USP24: variants seen among roughly 807,000 people sequenced by gnomAD.
The protein encoded by USP24 is ubiquitin carboxyl-terminal hydrolase 24.
In USP24, 97 loss-of-function variants were observed where a neutral mutation model predicts 361.6. That is an observed-to-expected ratio of 0.27 (90% CI 0.23 to 0.32). USP24 has a LOEUF of 0.32. Ranked by LOEUF, USP24 falls within the 10% of genes least tolerant of loss-of-function variation. The probability of loss-of-function intolerance (pLI) is 1.00; values close to 1 mark genes in which losing one functional copy is unlikely to be tolerated. For missense variants in USP24, 2,353 were observed against 3,165.6 expected, an observed-to-expected ratio of 0.74 and a Z score of 6.16; for synonymous variants, 1,098 against 1,124.6, an observed-to-expected ratio of 0.98 and a Z score of 0.47.
At chr1:55,156,761 C>CAAG (rs1436567554) in intron 12 of USP24, among the ~76,000 whole-genome samples, 187 bp downstream of exon 12, 1 of 152,018 alleles carries the variant, frequency 6.6e-6, no homozygotes, top group South Asian at 2.1e-4. Context: ...CAGTTTGAAA[C>CAAG]TTCTTGTGGT....
intron 5 of USP24, 134 bp from the exon 6 acceptor site, chr1:55,166,737 C>A: frequency 1.2e-6 from 1 of 832,612 alleles, no homozygotes; most frequent in Non-Finnish European, 1.9e-6. Flanking sequence ...AAGTTTTTTT[C>A]CCAAACGCTT....
chr1:55,153,612 G>GA (rs1647323199), intron 16 of USP24, among the ~76,000 whole-genome samples: 1 of 152,028 alleles, frequency 6.6e-6, no homozygotes, highest in African/African-American at 2.4e-5. Context: ...AAACTAAGTT[G>GA]AAAATCTTCT....
At chr1:55,130,300 T>C (rs1257296630) in intron 31 of USP24, among the ~76,000 whole-genome samples, 1 of 152,240 alleles carries the variant, frequency 6.6e-6, no homozygotes, top group Non-Finnish European at 1.5e-5. Flanking sequence ...CCTTTTGTCC[T>C]AGTTTTCTCA....
At chr1:55,071,666 G>C (rs1644921440) in intron 67 of USP24, 148 bp downstream of exon 67, 1 of 1,054,336 alleles carries the variant, frequency 9.5e-7, no homozygotes, top group Non-Finnish European at 1.4e-6. Context: ...CATATGCTGA[G>C]CTGAGATCAC....
intron 34 of USP24, 23 bp from the exon 35 acceptor site, chr1:55,124,651 T>C (rs1382305128): frequency 1.9e-6 from 3 of 1,612,590 alleles, no homozygotes; most frequent in Non-Finnish European, 2.5e-6. Flanking sequence ...ACAAGTATTA[T>C]GAGAAAGAGC....
chr1:55,129,175 A>G (rs1052847722), intron 32 of USP24, among the ~76,000 whole-genome samples: 4 of 152,158 alleles, frequency 2.6e-5, no homozygotes, highest in African/African-American at 9.7e-5. Flanking sequence ...AATTCACCTT[A>G]TTTCAAACTG....
intron 39 of USP24, among the ~76,000 whole-genome samples, chr1:55,108,479 A>G (rs930893502): frequency 1.3e-5 from 2 of 152,184 alleles, no homozygotes; most frequent in African/African-American, 4.8e-5. Flanking sequence ...CACTTACTGT[A>G]TGACCTTGTT....
In USP24 at chr1:55,154,144, A is replaced by T. The variant is rs1159066256; in HGVS notation, c.1787T>A (p.Ile596Asn). ...VKEAIKRSYIIKCIEDIKRPG... is the reference protein window; with the variant it reads ...VKEAIKRSYINKCIEDIKRPG... The stretch of plus-strand genomic sequence containing the variant: ...CCTCTTAATATCTTCTATGCACTTG[A>T]TGATGTAGCTCCTCTTGATTGCTTC... The change falls in exon 15 of 68, where the codon ATC becomes AAC. Residue 596 changes from isoleucine (I) to asparagine (N), a missense_variant. Coordinates refer to ENST00000294383, the MANE Select transcript of USP24 (RefSeq NM_015306.3). 2 of 1,613,638 alleles carry T rather than the reference A, an allele frequency of 1.2e-6. No homozygotes were observed. Among genetic ancestry groups the T allele is most frequent in the Non-Finnish European group, 8.5e-7 (1 of 1,179,686 alleles).
At chr1:55,076,223 T>C (rs593398) in intron 62 of USP24, among the ~76,000 whole-genome samples, 5,000 of 152,322 alleles carry the variant, frequency 0.033, 130 homozygotes, top group Non-Finnish European at 0.053. Flanking sequence ...TTTGCTATCA[T>C]AGCTGTATTT....
Position 55,134,154 on chromosome 1 carries a change from T to C in USP24, c.3297A>G (p.Leu1099=), listed in dbSNP as rs771802594. 2 of 1,613,606 alleles carry C rather than the reference T, an allele frequency of 1.2e-6. No homozygotes were observed. Among genetic ancestry groups the C allele is most frequent in the Non-Finnish European group, 1.7e-6 (2 of 1,179,716 alleles). The change falls in exon 30 of 68, where the codon CTA becomes CTG. Residue 1099 remains leucine (L), a synonymous_variant. Transcript: ENST00000294383. ...LANLEEPRIT[L]RVRKLLLLIP... is the part of the protein sequence containing the mutation. Reference sequence around the variant, plus strand: ...TCAAGAGCAGAAGCTTCCGTACTCGTAGAGTTATCCTGAAGTTTTTCAAAT... The same window carrying C: ...TCAAGAGCAGAAGCTTCCGTACTCGCAGAGTTATCCTGAAGTTTTTCAAAT...
Position 55,121,437 on chromosome 1 carries a change from T to C in USP24, c.4346A>G (p.Glu1449Gly). 6.8e-6 allele frequency: 11 copies of C among 1,613,330 alleles called. No homozygotes were observed. The highest frequency in any genetic ancestry group is 9.3e-6 in the Non-Finnish European group (11 of 1,179,674). The change falls in exon 37 of 68, where the codon GAG becomes GGG. Residue 1449 changes from glutamate to glycine, a missense_variant and splice_region_variant. Glu to Gly is a moderately conservative substitution (Grantham distance 98). Transcript: ENST00000294383. Reference protein sequence around the residue: ...IDILLGSPSAEIRRVACDQLY... With the variant: ...IDILLGSPSAGIRRVACDQLY... ...GTAAGTAATGTGAAAAATCCTTACC[T>C]CAGCACTTGGTGATCCGAGCAGAAT...
chr1:55,130,402 C>G (rs539316744), intron 31 of USP24, among the ~76,000 whole-genome samples: 1 of 152,228 alleles, frequency 6.6e-6, no homozygotes, highest in South Asian at 2.1e-4. Context: ...TAAGCATCAG[C>G]ACAAAACAAG....
At chr1:55,210,942 T>C (rs1440585885) in intron 1 of USP24, among the ~76,000 whole-genome samples, 1 of 152,222 alleles carries the variant, frequency 6.6e-6, no homozygotes, top group East Asian at 1.9e-4. Context: ...CATTTTAGTA[T>C]TTTCTAAAGA....
intron 38 of USP24, among the ~76,000 whole-genome samples, chr1:55,116,404 CA>C (rs1347631552): frequency 2.7e-5 from 4 of 147,388 alleles, no homozygotes; most frequent in Non-Finnish European, 4.5e-5. Flanking sequence ...AAAAGATGAA[CA>C]AAACCAACAA....
intron 12 of USP24, among the ~76,000 whole-genome samples, chr1:55,155,864 C>A (rs1186048946): frequency 6.6e-6 from 1 of 152,176 alleles, no homozygotes; most frequent in East Asian, 1.9e-4. Context: ...ACAGTTCCAG[C>A]ACTTAAAGTA....
chr1:55,144,307 C>T (rs1483290620), intron 20 of USP24, 104 bp from the exon 21 acceptor site: 2 of 621,722 alleles, frequency 3.2e-6, no homozygotes, highest in Non-Finnish European at 5.1e-6. Flanking sequence ...AGACTCTTGG[C>T]ATTGGCTTCT....
chr1:55,188,556 C>A (rs1644196979), intron 1 of USP24, among the ~76,000 whole-genome samples: 1 of 151,292 alleles, frequency 6.6e-6, no homozygotes, highest in African/African-American at 2.4e-5. Context: ...AATGTTTCTC[C>A]AAAAAAGATA....
intron 1 of USP24, among the ~76,000 whole-genome samples, chr1:55,204,261 C>A (rs1443688680): frequency 3.3e-5 from 5 of 151,834 alleles, no homozygotes; most frequent in African/African-American, 1.2e-4. Context: ...GATTTTTAGC[C>A]TAAAATAAGA....
At chr1:55,104,245 T>C (rs1322324508) in intron 41 of USP24, among the ~76,000 whole-genome samples, 2 of 152,166 alleles carry the variant, frequency 1.3e-5, no homozygotes, top group African/African-American at 4.8e-5. Flanking sequence ...CTTTCACTTA[T>C]GATCAGAATA....
Sources: gnomAD v4.1 joint callset for allele counts (sites outside exome capture counted in the v4.1 genomes callset) on GRCh38, gnomAD v4.1.1 for gene constraint, MANE v1.5 for transcripts, NCBI Gene and HGNC (gene_info 2026-07-23, HGNC 2026-07-21) for gene names.